The following NEK9 variants were observed in gnomAD, a reference collection of about 807,000 sequenced individuals.
NEK9 encodes NIMA related kinase 9, also known as serine/threonine-protein kinase Nek9.
Under a neutral mutation model 123.4 loss-of-function variants are expected in NEK9, and 75 were observed. That is an observed-to-expected ratio of 0.61 (90% CI 0.50 to 0.74). The LOEUF is 0.74. Among genes scored for constraint, NEK9 ranks in the 30% least tolerant of loss-of-function variants. NEK9 has a pLI of 0.00. For synonymous variants in NEK9, 438 were observed against 458.7 expected, an observed-to-expected ratio of 0.95 and a Z score of 0.58; for missense variants, 952 against 1,214.4, an observed-to-expected ratio of 0.78 and a Z score of 3.21.
chr14:75,092,251 C>T (rs932201335), intron 18 of NEK9, among the ~76,000 whole-genome samples: 1 of 148,806 alleles, frequency 6.7e-6, no homozygotes, highest in Non-Finnish European at 1.5e-5. Context: ...GGATTACAGG[C>T]GTGAGCCACT....
At chr14:75,110,473 G>T in intron 8 of NEK9, 102 bp from the exon 9 acceptor site, 1 of 848,184 alleles carries the variant, frequency 1.2e-6, no homozygotes, top group Non-Finnish European at 1.9e-6. Flanking sequence ...CTTATAAACT[G>T]TATGCATCCT....
chr14:75,096,913 T>C, intron 17 of NEK9, 187 bp downstream of exon 17: 3 of 427,568 alleles, frequency 7.0e-6, no homozygotes, highest in Non-Finnish European at 1.2e-5. Context: ...AGATGGCAGA[T>C]AGCAAAGCTC....
chr14:75,105,907 C>T (rs374096106), intron 13 of NEK9, 43 bp downstream of exon 13: 148 of 1,467,292 alleles, frequency 1.0e-4, no homozygotes, highest in Middle Eastern at 8.7e-4. Flanking sequence ...GGAGTCTGTG[C>T]GACTTAAGAT....
chr14:75,113,469 T>TAAC, intron 7 of NEK9, 66 bp from the exon 8 acceptor site: 1 of 1,171,000 alleles, frequency 8.5e-7, no homozygotes, highest in South Asian at 1.3e-5. Flanking sequence ...CTAAAGATGT[T>TAAC]AATTAGTCAA....
At position 75,079,433 on chromosome 14, in the gene NEK9, C is replaced by A. The variant is rs1281764397; in HGVS notation, c.*5131G>T. 1 of 152,078 alleles carries A rather than the reference C, an allele frequency of 6.6e-6. No individual in the cohort carries two copies. The highest frequency in any genetic ancestry group is 1.5e-5 in the Non-Finnish European group (1 of 68,010). 9.4% of individuals were successfully genotyped at this position (152,078 alleles called of 1,614,324 possible). A position where few individuals can be genotyped will look rare whatever the true frequency, so the allele number is the denominator to read the frequency against. ...CTTTATGGTTAGCCCCTTAAGGAAA[C>A]CTCACACAGAGATAATGGATATTTA... On this transcript the variant is annotated 3_prime_UTR_variant, in exon 22 of 22. Coordinates refer to ENST00000238616, the MANE Select transcript of NEK9 (RefSeq NM_033116.6).
At chr14:75,121,400 T>TA (rs911869427) in intron 2 of NEK9, among the ~76,000 whole-genome samples, 5 of 152,084 alleles carry the variant, frequency 3.3e-5, no homozygotes, top group Non-Finnish European at 5.9e-5. Flanking sequence ...GAGGCGTAAT[T>TA]AAAAAAAAGA....
intron 19 of NEK9, among the ~76,000 whole-genome samples, chr14:75,089,977 G>A (rs1245842537): frequency 6.6e-6 from 1 of 152,100 alleles, no homozygotes; most frequent in African/African-American, 2.4e-5. Context: ...GATTACAGGC[G>A]TGAGCCACCT....
chr14:75,109,304 T>C (rs1894883703), intron 10 of NEK9, among the ~76,000 whole-genome samples: 2 of 152,336 alleles, frequency 1.3e-5, no homozygotes, highest in African/African-American at 4.8e-5. Flanking sequence ...CATGGTATAG[T>C]CCTTCCTTTG....
chr14:75,105,046 A>G (rs1475729650), intron 13 of NEK9, among the ~76,000 whole-genome samples: 1 of 152,190 alleles, frequency 6.6e-6, no homozygotes, highest in Non-Finnish European at 1.5e-5. Flanking sequence ...GTGACAGAGT[A>G]CTGAGGTAAT....
chr14:75,113,904 T>C (rs947623961), intron 7 of NEK9, among the ~76,000 whole-genome samples: 2 of 151,186 alleles, frequency 1.3e-5, no homozygotes, highest in Admixed American at 1.3e-4. Context: ...TTATCTTTCA[T>C]TGCAGTTTTT....
chr14:75,100,910 T>A (rs1225156797), intron 16 of NEK9, 82 bp downstream of exon 16: 1 of 1,382,752 alleles, frequency 7.2e-7, no homozygotes, highest in African/African-American at 1.4e-5. Flanking sequence ...GCTATACAAA[T>A]AACTAGTCCA....
intron 16 of NEK9, 115 bp from the exon 17 acceptor site, chr14:75,097,385 G>A (rs1306675347): frequency 2.6e-5 from 22 of 841,406 alleles, no homozygotes; most frequent in Non-Finnish European, 3.8e-5. Context: ...TACTAAACAA[G>A]GGAAAGCTGT....
intron 5 of NEK9, among the ~76,000 whole-genome samples, chr14:75,118,118 GCCT>G (rs1895199989): frequency 6.6e-6 from 1 of 151,914 alleles, no homozygotes; most frequent in South Asian, 2.1e-4. Flanking sequence ...GCTCACTTTG[GCCT>G]CCATCATAGA....
At chr14:75,116,605 G>A (rs1174013831) in intron 6 of NEK9, 2 of 226,426 alleles carry the variant, frequency 8.8e-6, no homozygotes, top group Admixed American at 4.8e-5. Flanking sequence ...TTGCTTTTAA[G>A]AGATGAACTT....
chr14:75,124,693 T>A (rs1006716811), intron 1 of NEK9, among the ~76,000 whole-genome samples: 24 of 151,828 alleles, frequency 1.6e-4, no homozygotes, highest in African/African-American at 5.3e-4. Context: ...CCTTTCTGGA[T>A]AAGAGAAGTC....
intron 5 of NEK9, among the ~76,000 whole-genome samples, chr14:75,117,601 AGGC>A (rs1895184109): frequency 6.6e-6 from 1 of 152,198 alleles, no homozygotes; most frequent in South Asian, 2.1e-4. Flanking sequence ...TAGATCACAG[AGGC>A]TTCAGGCATT....
Position 75,079,774 on chromosome 14 carries a change from C to T in NEK9, c.*4790G>A, listed in dbSNP as rs1175096475. 5 of 152,208 alleles carry T rather than the reference C, an allele frequency of 3.3e-5. No homozygotes were observed. The highest frequency in any genetic ancestry group is 4.8e-5 in the African/African-American group (2 of 41,448). The allele number at this position is 152,208 out of a possible 1,614,324, so 9.4% of individuals were successfully genotyped here. A position where few individuals can be genotyped will look rare whatever the true frequency, so the allele number is the denominator to read the frequency against. ...CTCCTCCAGATGGGAATGGTAGCAC[C>T]AGACCACTGCAGTCTCACTTGGCCT... is the stretch of plus-strand genomic sequence containing the variant. On this transcript the variant is annotated 3_prime_UTR_variant, in exon 22 of 22. Transcript: ENST00000238616.
At chr14:75,120,134 A>G (rs1285684130) in intron 4 of NEK9, among the ~76,000 whole-genome samples, 1 of 152,250 alleles carries the variant, frequency 6.6e-6, no homozygotes, top group East Asian at 1.9e-4. Context: ...AGAGGCTTTT[A>G]TTTAAATTAA....
rs757309710 is a variant in NEK9 at position 75,113,419 on chromosome 14, AG to A, written c.874-17del. On this transcript the variant is annotated splice_polypyrimidine_tract_variant and intron_variant, in intron 7 of 21. Transcript: ENST00000238616. Reference sequence around the variant, plus strand: ...GCTCAGGATCCTAAAAAGTAAAAATAGGGTTAGTTTTCACTTAATGGAAATG... The same window carrying A: ...GCTCAGGATCCTAAAAAGTAAAAATAGGTTAGTTTTCACTTAATGGAAATG... 1 of 1,603,624 alleles carries A rather than the reference AG, an allele frequency of 6.2e-7. No homozygotes were observed. The highest frequency in any genetic ancestry group is 8.5e-7 in the Non-Finnish European group (1 of 1,171,578).
Sources: gnomAD v4.1 joint callset for allele counts (sites outside exome capture counted in the v4.1 genomes callset) on GRCh38, gnomAD v4.1.1 for gene constraint, MANE v1.5 for transcripts, NCBI Gene and HGNC (gene_info 2026-07-23, HGNC 2026-07-21) for gene names.